Variants in ULK1 observed in about 807,000 individuals in gnomAD.
The protein encoded by ULK1 is unc-51 like autophagy activating kinase 1, also known as serine/threonine-protein kinase ULK1.
In ULK1, 48 loss-of-function variants were observed where a neutral mutation model predicts 117.5. That is an observed-to-expected ratio of 0.41 (90% CI 0.32 to 0.52). The LOEUF is 0.52. Ranked by LOEUF, ULK1 falls within the 20% of genes least tolerant of loss-of-function variation. The probability of loss-of-function intolerance (pLI) is 0.29; values close to 1 mark genes in which losing one functional copy is unlikely to be tolerated. For missense variants in ULK1, 1,387 were observed against 1,473.4 expected, an observed-to-expected ratio of 0.94 and a Z score of 0.96; for synonymous variants, 790 against 637.8, an observed-to-expected ratio of 1.24 and a Z score of -3.60.
intron 10 of ULK1, 121 bp downstream of exon 10, chr12:131,910,122 C>A: frequency 6.4e-7 from 1 of 1,561,014 alleles, no homozygotes; most frequent in Non-Finnish European, 8.8e-7. Flanking sequence ...TTCCACAAGC[C>A]AAGCGCAGGC....
chr12:131,904,565 G>C (rs139896091), intron 3 of ULK1, among the ~76,000 whole-genome samples: 1 of 152,190 alleles, frequency 6.6e-6, no homozygotes, highest in Admixed American at 6.5e-5. Context: ...CACACAGCCC[G>C]GTCCTGGGTG....
chr12:131,901,305 G>A (rs1255343251), intron 3 of ULK1, among the ~76,000 whole-genome samples: 1 of 151,562 alleles, frequency 6.6e-6, no homozygotes, highest in Non-Finnish European at 1.5e-5. Flanking sequence ...GTTGCAGTGA[G>A]CTGAGTTTGT....
chr12:131,919,379 A>G lies in ULK1; in HGVS notation c.2679A>G (p.Glu893=). 1.6e-6 allele frequency: 1 copy of G among 606,472 alleles called. No homozygotes were observed. Among genetic ancestry groups the G allele is most frequent in the Non-Finnish European group, 2.6e-6 (1 of 380,404 alleles). The allele number at this position is 606,472 out of a possible 1,614,324, so 37.6% of individuals were successfully genotyped here. The part of the protein sequence containing the change: ...VADQISLLSR[E]WGFAEQLVLY... Reference sequence around the variant, plus strand: ...ACCAGATCAGCCTGCTGAGCCGAGAATGGGGGTGGGTGCCGCCAGGGCTGG... The same window carrying G: ...ACCAGATCAGCCTGCTGAGCCGAGAGTGGGGGTGGGTGCCGCCAGGGCTGG... The change falls in exon 24 of 28, where the codon GAA becomes GAG. Residue 893 remains glutamate, a synonymous_variant. Transcript: ENST00000321867.
rs144037156 is a variant in ULK1 at position 131,911,983 on chromosome 12, C to A, written c.990C>A (p.Ser330=). 3.1e-6 allele frequency: 5 copies of A among 1,612,780 alleles called. No individual in the cohort carries two copies. The African/African-American group carries it at 6.7e-5, about 22-fold the overall frequency. ...AGCAGCTGCAGAAGACCCTGGCCTC[C>A]CCGGCTGACACCGCTGGCTTCCTGC... ...EMQQLQKTLA[S]PADTAGFLHS... The change falls in exon 13 of 28, where the codon TCC becomes TCA. Residue 330 remains serine (S), a synonymous_variant. Coordinates refer to ENST00000321867, the MANE Select transcript of ULK1 (RefSeq NM_003565.4).
At chr12:131,904,015 G>C (rs898150033) in intron 3 of ULK1, among the ~76,000 whole-genome samples, 1 of 152,104 alleles carries the variant, frequency 6.6e-6, no homozygotes, top group Non-Finnish European at 1.5e-5. Flanking sequence ...AGGGATGGCA[G>C]GGCCAGGTGC....
In ULK1 at chr12:131,909,848, GCCTTC is replaced by G. The variant is rs753887229; in HGVS notation, c.725+28_725+32del. On this transcript the variant is annotated intron_variant, in intron 9 of 27. Transcript: ENST00000321867. ...TTGGTCCCCACGTAAGCACCCTCCCGCCTTCCCTTCCCTTCCCCCGCGGGCTCCGG... is the reference window on the plus strand; with the variant it reads ...TTGGTCCCCACGTAAGCACCCTCCCGCCTTCCCTTCCCCCGCGGGCTCCGG... 1.9e-6 allele frequency: 3 copies of G among 1,610,870 alleles called. No individual in the cohort carries two copies. Among genetic ancestry groups the G allele is most frequent in the South Asian group, 1.1e-5 (1 of 90,926 alleles).
Position 131,916,406 on chromosome 12 carries a change from C to G in ULK1, c.1887C>G (p.Pro629=). The change falls in exon 20 of 28, where the codon CCC becomes CCG. Residue 629 remains proline (P), a synonymous_variant. Coordinates refer to ENST00000321867, the MANE Select transcript of ULK1 (RefSeq NM_003565.4). ...CATCTCTGTCCTCCTAGGCTGTGCC[C>G]TCCTTTGACTTCCCGAAGACCCCCA... is the stretch of plus-strand genomic sequence containing the variant. ...PILGSPTKAV[P]SFDFPKTPSS... The G allele has an allele frequency of 6.3e-7, 1 of 1,583,000 alleles. No homozygotes were observed. The highest frequency in any genetic ancestry group is 1.1e-5 in the South Asian group (1 of 88,296).
At position 131,916,120 on chromosome 12, in the gene ULK1, G is replaced by A. The variant is rs1375774077; in HGVS notation, c.1839G>A (p.Gln613=). 1 of 1,612,460 alleles carries A rather than the reference G, an allele frequency of 6.2e-7. No individual in the cohort carries two copies. ...RGSPKLPDFL[Q]RNPLPPILGS... ...CACCCAAGCTGCCCGACTTCCTGCAGCGAAACCCCCTGCCCCCCATCCTGG... is the reference window on the plus strand; with the variant it reads ...CACCCAAGCTGCCCGACTTCCTGCAACGAAACCCCCTGCCCCCCATCCTGG... The change falls in exon 19 of 28, where the codon CAG becomes CAA. Residue 613 remains glutamine, a synonymous_variant. Coordinates refer to ENST00000321867, the MANE Select transcript of ULK1 (RefSeq NM_003565.4).
At chr12:131,920,877 G>A (rs768346793) in intron 26 of ULK1, 135 of 602,106 alleles carry the variant, frequency 2.2e-4, no homozygotes, top group Non-Finnish European at 3.2e-4. Context: ...TCCTGGGGCC[G>A]GGCTGAGAGC....
In ULK1 at chr12:131,915,438, G is replaced by A; in HGVS notation, c.1609+17G>A. The A allele has an allele frequency of 6.2e-7, 1 of 1,610,686 alleles. No individual in the cohort carries two copies. Among genetic ancestry groups the A allele is most frequent in the Non-Finnish European group, 8.5e-7 (1 of 1,179,446 alleles). On this transcript the variant is annotated intron_variant, in intron 18 of 27. Transcript: ENST00000321867. ...CTCGTCCAGGTGGGTGCAGTCCGGA[G>A]GGGGGAGGGGGTGCTAGGCTGACCT...
chr12:131,909,472 G>GGTCGCCTGTCTA (rs1380590879), intron 8 of ULK1, among the ~76,000 whole-genome samples: 1 of 152,112 alleles, frequency 6.6e-6, no homozygotes, highest in African/African-American at 2.4e-5. Flanking sequence ...TCGCCTGTCT[G>GGTCGCCTGTCTA]GTCGCCTGTC....
Position 131,922,429 on chromosome 12 carries a change from C to CTTTTT in ULK1, c.*1068_*1069insTTTTT. ...CATGCAAAGAAAAAAGTAACATGTGCAAAAGCTCCCCGTCCAGCTTTGACA... is the reference window on the plus strand; with the variant it reads ...CATGCAAAGAAAAAAGTAACATGTGCTTTTTAAAAGCTCCCCGTCCAGCTTTGACA... On this transcript the variant is annotated 3_prime_UTR_variant, in exon 28 of 28. Transcript: ENST00000321867. 1.5e-5 allele frequency: 3 copies of CTTTTT among 196,836 alleles called. No homozygotes were observed. The highest frequency in any genetic ancestry group is 5.6e-5 in the Admixed American group (1 of 17,944). The allele number at this position is 196,836 out of a possible 1,614,324, so 12.2% of individuals were successfully genotyped here. A position where few individuals can be genotyped will look rare whatever the true frequency, so the allele number is the denominator to read the frequency against.
At position 131,912,027 on chromosome 12, in the gene ULK1, G is replaced by T. The variant is rs368179519; in HGVS notation, c.1034G>T (p.Gly345Val). Residue 345 changes from glycine to valine, a missense_variant, in exon 13 of 28, where the codon GGT becomes GTT. This residue lies in a region of ULK1 where 260 missense variants were observed against 271.6 expected (regional missense o/e 0.96). Transcript: ENST00000321867. ...AGFLHSSRDS[G>V]GSKDSSCDTD... Reference sequence around the variant, plus strand: ...TTCCTGCACAGCTCCCGGGACTCTGGTGGCAGCAAGGACTCTTCCTGTGAC... The same window carrying T: ...TTCCTGCACAGCTCCCGGGACTCTGTTGGCAGCAAGGACTCTTCCTGTGAC... The T allele has an allele frequency of 6.2e-7, 1 of 1,612,884 alleles. No individual in the cohort carries two copies. Among genetic ancestry groups the T allele is most frequent in the Non-Finnish European group, 8.5e-7 (1 of 1,179,972 alleles).
chr12:131,903,160 G>A lies in ULK1; in HGVS notation c.247-3732G>A, dbSNP rs1394434002. ...CAGCTGGGGGCCCCCGTCGGGGGGT[G>A]TTGTGGCGCAGGGCCTGGGCCTGCA... is the stretch of plus-strand genomic sequence containing the variant. On this transcript the variant is annotated intron_variant, in intron 3 of 27. Coordinates refer to ENST00000321867, the MANE Select transcript of ULK1 (RefSeq NM_003565.4). The surrounding 1 kb of genome is among the most constrained non-coding windows in gnomAD (Gnocchi z 6.0). 6.6e-6 allele frequency among the ~76,000 whole-genome samples: 1 copy of A among 152,184 alleles called. No individual in the cohort carries two copies. The highest frequency in any genetic ancestry group is 1.9e-4 in the East Asian group (1 of 5,190).
Position 131,915,573 on chromosome 12 carries a change from G to T in ULK1, c.1609+152G>T, listed in dbSNP as rs953972908. On this transcript the variant is annotated intron_variant, in intron 18 of 27. Transcript: ENST00000321867. Reference sequence around the variant, plus strand: ...CCAACTGCCTCTCCACCTCCTGGCTGTGTGGGCTGGGGCAAGTTTCTTATC... The same window carrying T: ...CCAACTGCCTCTCCACCTCCTGGCTTTGTGGGCTGGGGCAAGTTTCTTATC... 19 of 1,049,806 alleles carry T rather than the reference G, an allele frequency of 1.8e-5. No individual in the cohort carries two copies. The African/African-American group carries it at 2.7e-4, about 15-fold the overall frequency. The allele number at this position is 1,049,806 out of a possible 1,614,324, so 65.0% of individuals were successfully genotyped here. A position where few individuals can be genotyped will look rare whatever the true frequency, so the allele number is the denominator to read the frequency against.
chr12:131,918,730 GGGGTGTGTGGGGTGTC>G (rs1889977176), intron 23 of ULK1, 49 bp downstream of exon 23: 12 of 1,123,668 alleles, frequency 1.1e-5, no homozygotes, highest in East Asian at 4.0e-5. Context: ...GAGGGTGTGT[GGGGTGTGTGGGGTGTC>G]GGGTGTGTGG....
intron 15 of ULK1, 50 bp downstream of exon 15, chr12:131,913,886 C>T: frequency 7.1e-7 from 1 of 1,412,938 alleles, no homozygotes. Context: ...AGTCCCCCGG[C>T]TGGAGGTTGG....
At chr12:131,917,634 G>C in intron 22 of ULK1, 80 bp downstream of exon 22, 1 of 1,274,610 alleles carries the variant, frequency 7.8e-7, no homozygotes, top group Non-Finnish European at 1.0e-6. Flanking sequence ...CCTTTAACTC[G>C]GGTCACTGGA....
chr12:131,916,331 C>G (rs757931069), intron 19 of ULK1, 67 bp from the exon 20 acceptor site: 52 of 1,521,968 alleles, frequency 3.4e-5, no homozygotes, highest in Non-Finnish European at 4.3e-5. Flanking sequence ...TCGGCCCCTT[C>G]CCCAGGCACC....
Sources: gnomAD v4.1 joint callset for allele counts (sites outside exome capture counted in the v4.1 genomes callset) on GRCh38, gnomAD v4.1.1 for gene constraint, gnomAD v4.1.1 regional missense constraint, Gnocchi (gnomAD v3.1) non-coding constraint, MANE v1.5 for transcripts, NCBI Gene and HGNC (gene_info 2026-07-23, HGNC 2026-07-21) for gene names.